Variants in RNF170 observed in about 807,000 individuals in gnomAD.
RNF170 encodes the protein ring finger protein 170.
Under a neutral mutation model 32.7 loss-of-function variants are expected in RNF170, and 12 were observed. The observed-to-expected ratio is 0.37, with a 90% CI of 0.24 to 0.60. The LOEUF (loss-of-function observed/expected upper bound fraction) is 0.60. RNF170 is among the 20% of genes least tolerant of loss of function. RNF170 has a pLI of 0.72. For synonymous variants in RNF170, 91 were observed against 103.6 expected, an observed-to-expected ratio of 0.88 and a Z score of 0.74; for missense variants, 212 against 311.2, an observed-to-expected ratio of 0.68 and a Z score of 2.40.
At chr8:42,870,208 T>C in intron 3 of RNF170, 96 bp from the exon 4 acceptor site, 1 of 830,914 alleles carries the variant, frequency 1.2e-6, no homozygotes, top group Non-Finnish European at 2.1e-6. Context: ...GTCAGCAGTG[T>C]GTAACCCTCA....
At position 42,853,341 on chromosome 8, in the gene RNF170, T is replaced by G. The variant is rs1406950645; in HGVS notation, c.*2818A>C. 5 of 1,233,598 alleles carry G rather than the reference T, an allele frequency of 4.1e-6. No individual in the cohort carries two copies. In the African/African-American group the frequency reaches 7.8e-5, roughly 19 times the overall value. The allele number at this position is 1,233,598 out of a possible 1,614,324, so 76.4% of individuals were successfully genotyped here. A position where few individuals can be genotyped will look rare whatever the true frequency, so the allele number is the denominator to read the frequency against. Reference sequence around the variant, plus strand: ...GCTTTTATTCAAAAGAATAAAATGCTTGACAAACTCTTTAATCACAAGGTT... The same window carrying G: ...GCTTTTATTCAAAAGAATAAAATGCGTGACAAACTCTTTAATCACAAGGTT... On this transcript the variant is annotated 3_prime_UTR_variant, in exon 7 of 7. Transcript: ENST00000527424.
chr8:42,856,881 C>A (rs1803281925), intron 6 of RNF170, among the ~76,000 whole-genome samples: 1 of 152,168 alleles, frequency 6.6e-6, no homozygotes, highest in African/African-American at 2.4e-5. Context: ...CAACAACTAA[C>A]TGTGTATTTA....
intron 2 of RNF170, among the ~76,000 whole-genome samples, chr8:42,880,402 C>T (rs550065343): frequency 1.4e-4 from 22 of 152,318 alleles, no homozygotes; most frequent in African/African-American, 5.3e-4. Flanking sequence ...CAAACTGCAT[C>T]ACATGCTACA....
At chr8:42,864,541 T>C (rs1048004302) in intron 5 of RNF170, among the ~76,000 whole-genome samples, 1 of 152,124 alleles carries the variant, frequency 6.6e-6, no homozygotes, top group African/African-American at 2.4e-5. Flanking sequence ...ATTTCTCCAG[T>C]TTATCAAAGA....
chr8:42,855,948 T>TA lies in RNF170; in HGVS notation c.*210dup. On this transcript the variant is annotated 3_prime_UTR_variant, in exon 7 of 7. Transcript: ENST00000527424. ...ATCAAGATACAACTGTAGATCATTA[T>TA]AATTCTAAACTTAATATTAGAACTT... 1 of 1,361,456 alleles carries TA rather than the reference T, an allele frequency of 7.3e-7. No homozygotes were observed. Among genetic ancestry groups the TA allele is most frequent in the Non-Finnish European group, 9.8e-7 (1 of 1,025,014 alleles). 84.3% of individuals were successfully genotyped at this position (1,361,456 alleles called of 1,614,324 possible). A position where few individuals can be genotyped will look rare whatever the true frequency, so the allele number is the denominator to read the frequency against.
At chr8:42,886,084 C>T (rs1045845515) in intron 2 of RNF170, among the ~76,000 whole-genome samples, 1 of 151,886 alleles carries the variant, frequency 6.6e-6, no homozygotes, top group South Asian at 2.1e-4. Context: ...ATTAGCCGGG[C>T]GTGGTGGTGG....
chr8:42,889,547 T>C (rs143616312), intron 1 of RNF170: 12 of 152,350 alleles, frequency 7.9e-5, no homozygotes, highest in Admixed American at 6.5e-5. Flanking sequence ...ATTTTGAGTA[T>C]AGACGTCTTA....
intron 2 of RNF170, among the ~76,000 whole-genome samples, chr8:42,879,829 C>G (rs1399606424): frequency 6.6e-6 from 1 of 151,942 alleles, no homozygotes; most frequent in Non-Finnish European, 1.5e-5. Context: ...TGTGTGCCAC[C>G]GTGCCTGGCT....
At chr8:42,851,023 T>C, downstream of RNF170, 1 of 1,549,232 alleles carries the variant, frequency 6.5e-7, no homozygotes, top group Non-Finnish European at 8.7e-7. Context: ...AGAATGACCT[T>C]TTAAAAATGT....
downstream of RNF170, among the ~76,000 whole-genome samples, chr8:42,851,457 C>T (rs1170568380): frequency 2.0e-5 from 3 of 150,600 alleles, no homozygotes; most frequent in South Asian, 2.1e-4. Context: ...CCCAGCTACT[C>T]GGGAGACTGA....
chr8:42,862,933 T>G (rs1348687471), intron 5 of RNF170, among the ~76,000 whole-genome samples: 1 of 152,060 alleles, frequency 6.6e-6, no homozygotes, highest in Non-Finnish European at 1.5e-5. Flanking sequence ...CTGGGGCAGG[T>G]GCAAGAATGC....
chr8:42,856,622 T>C (rs533114540), intron 6 of RNF170, among the ~76,000 whole-genome samples, 194 bp from the exon 7 acceptor site: 2 of 152,242 alleles, frequency 1.3e-5, no homozygotes, highest in South Asian at 2.1e-4. Flanking sequence ...ATAGATCTTA[T>C]TGCAGATAAT....
chr8:42,859,985 C>T (rs1042894115), intron 6 of RNF170, among the ~76,000 whole-genome samples: 5 of 152,146 alleles, frequency 3.3e-5, no homozygotes, highest in South Asian at 2.1e-4. Context: ...AATAATAGGA[C>T]ACCCCAAAAA....
upstream of RNF170, chr8:42,896,945 AAGG>A (rs960239546): frequency 1.3e-5 from 5 of 390,712 alleles, no homozygotes; most frequent in Non-Finnish European, 1.3e-5. Context: ...TCCCGAGTGA[AAGG>A]AGAAGGAGGG....
chr8:42,896,775 G>C (rs1466110358), upstream of RNF170: 2 of 145,396 alleles, frequency 1.4e-5, no homozygotes, highest in Non-Finnish European at 3.0e-5. Flanking sequence ...CGGCGGCGGC[G>C]GCGCGGCGGC....
intron 5 of RNF170, among the ~76,000 whole-genome samples, chr8:42,863,964 G>GGA (rs779901675): frequency 0.047 from 6,060 of 128,024 alleles, 147 homozygotes; most frequent in South Asian, 0.084. Flanking sequence ...AAAGGCTGAA[G>GGA]GAGAGAGAGA....
intron 1 of RNF170, among the ~76,000 whole-genome samples, chr8:42,892,165 CA>C (rs2130195151): frequency 6.6e-6 from 1 of 152,250 alleles, no homozygotes; most frequent in South Asian, 2.1e-4. Context: ...AGATATTGCT[CA>C]AATTAATGTT....
intron 3 of RNF170, among the ~76,000 whole-genome samples, chr8:42,870,563 C>CA (rs1804447206): frequency 6.6e-6 from 1 of 151,872 alleles, no homozygotes; most frequent in Non-Finnish European, 1.5e-5. Context: ...CCCATCTCTA[C>CA]AAAAAATAGA....
downstream of RNF170, chr8:42,850,687 A>T: frequency 7.6e-7 from 1 of 1,323,206 alleles, no homozygotes; most frequent in East Asian, 2.5e-5. Flanking sequence ...AGATGTCTGA[A>T]TGCCTCAGAG....
Sources: gnomAD v4.1 joint callset for allele counts (sites outside exome capture counted in the v4.1 genomes callset) on GRCh38, gnomAD v4.1.1 for gene constraint, MANE v1.5 for transcripts, NCBI Gene and HGNC (gene_info 2026-07-23, HGNC 2026-07-21) for gene names.